ZNF787: variants seen among roughly 807,000 people sequenced by gnomAD.
The protein encoded by ZNF787 is TTF-I-interacting peptide 20.
ZNF787 carries 7 observed loss-of-function variants against 16.9 expected under a neutral mutation model. That is an observed-to-expected ratio of 0.42 (90% CI 0.24 to 0.78). The LOEUF is 0.78. Ranked by LOEUF, ZNF787 falls within the 30% of genes least tolerant of loss-of-function variation. The pLI, the probability that ZNF787 is intolerant of heterozygous loss-of-function variation, is 0.30. For synonymous variants in ZNF787, 345 were observed against 270.9 expected (o/e 1.27, Z -2.69); for missense variants, 551 against 589.3 (o/e 0.94, Z 0.67).
intron 1 of ZNF787, chr19:56,105,267 G>C (rs1986258597): frequency 6.6e-6 from 1 of 152,146 alleles, no homozygotes; most frequent in Admixed American, 6.5e-5. Context: ...GAAGGGCAGG[G>C]CCGCCAGGTG....
Position 56,089,040 on chromosome 19 carries a change from C to G in ZNF787, c.132G>C (p.Lys44Asn), listed in dbSNP as rs1985468896. The G allele has an allele frequency of 2.0e-6, 3 of 1,466,804 alleles. No homozygotes were observed. Among genetic ancestry groups the G allele is most frequent in the Non-Finnish European group, 2.7e-6 (3 of 1,111,892 alleles). The allele number at this position is 1,466,804 out of a possible 1,614,324, so 90.9% of individuals were successfully genotyped here. A position where few individuals can be genotyped will look rare whatever the true frequency, so the allele number is the denominator to read the frequency against. Residue 44 changes from lysine (K) to asparagine (N), a missense_variant, in exon 3 of 3, where the codon AAG (lysine) becomes AAC (asparagine). Transcript: ENST00000610935. ...GGGGCGCAGACTGGGGCGGGGACAGCTTGGTGGGAGGCCAGCTGGGGACGT... is the reference window on the plus strand; with the variant it reads ...GGGGCGCAGACTGGGGCGGGGACAGGTTGGTGGGAGGCCAGCTGGGGACGT... ...DDDVPSWPPT[K>N]LSPPQSAPPA...
intron 1 of ZNF787, among the ~76,000 whole-genome samples, chr19:56,105,676 GCCAGGGCT>G (rs924251789): frequency 1.3e-5 from 2 of 152,032 alleles, no homozygotes; most frequent in Admixed American, 1.3e-4. Flanking sequence ...CCACTGCCGG[GCCAGGGCT>G]CCAGGGCTCA....
intron 2 of ZNF787, among the ~76,000 whole-genome samples, chr19:56,098,111 G>A (rs909066793): frequency 4.6e-5 from 7 of 152,026 alleles, no homozygotes; most frequent in Non-Finnish European, 8.8e-5. Context: ...ACAGCTCCAT[G>A]GAAGGAACAT....
rs75710145 is a variant in ZNF787 at position 56,102,542 on chromosome 19, C to G, written c.79+597G>C. On this transcript the variant is annotated intron_variant, in intron 2 of 2. Transcript: ENST00000610935. ...TAGCCCACAAATGAGTTTTGCTCAA[C>G]CCCAATAATGCTTTATTAAACAAAC... 3.7e-4 allele frequency: 114 copies of G among 305,736 alleles called. 1 individual carries two copies. The highest frequency in any genetic ancestry group is 2.3e-3 in the African/African-American group (109 of 46,520). 18.9% of individuals were successfully genotyped at this position (305,736 alleles called of 1,614,324 possible).
intron 1 of ZNF787, among the ~76,000 whole-genome samples, chr19:56,109,570 A>G (rs2029919819): frequency 6.6e-6 from 1 of 152,138 alleles, no homozygotes; most frequent in African/African-American, 2.4e-5. Flanking sequence ...GGAGGCCTTC[A>G]CTTTCTGAAG....
At chr19:56,111,035 CAT>C (rs1320080015) in intron 1 of ZNF787, among the ~76,000 whole-genome samples, 1 of 152,260 alleles carries the variant, frequency 6.6e-6, no homozygotes, top group Admixed American at 6.5e-5. Flanking sequence ...ATACCTTTTA[CAT>C]GTTTTCAATA....
Position 56,088,071 on chromosome 19 carries a change from C to CTCGTCGTCGTCG in ZNF787, c.1089_1100dup (p.Asp363_Asp366dup), listed in dbSNP as rs5828672. ...ACTCGGGGCACCGCCCGCCCGCGGC[C>CTCGTCGTCGTCG]TCGTCGTCGTCGTCCTCCTCCTCCC... is the stretch of plus-strand genomic sequence containing the variant. On this transcript the variant is annotated inframe_insertion, in exon 3 of 3. Transcript: ENST00000610935. This position sits in a 1 kb window ranked among gnomAD's most constrained non-coding sequence, Gnocchi z 8.6. 1 of 1,470,312 alleles carries CTCGTCGTCGTCG rather than the reference C, an allele frequency of 6.8e-7. No individual in the cohort carries two copies. The highest frequency in any genetic ancestry group is 2.5e-5 in the Admixed American group (1 of 40,642). 91.1% of individuals were successfully genotyped at this position (1,470,312 alleles called of 1,614,324 possible).
At chr19:56,114,938 C>T (rs933406622) in intron 1 of ZNF787, among the ~76,000 whole-genome samples, 1 of 152,230 alleles carries the variant, frequency 6.6e-6, no homozygotes, top group African/African-American at 2.4e-5. Flanking sequence ...AGCTCTTTCA[C>T]TGCCCTTTTC....
chr19:56,111,820 T>G (rs1247487482), intron 1 of ZNF787, among the ~76,000 whole-genome samples: 1 of 152,146 alleles, frequency 6.6e-6, no homozygotes, highest in Non-Finnish European at 1.5e-5. Context: ...GTACCAGTCC[T>G]TGGCGTCATC....
intron 2 of ZNF787, 66 bp downstream of exon 2, chr19:56,103,073 A>T: frequency 1.9e-6 from 3 of 1,558,046 alleles, no homozygotes; most frequent in Non-Finnish European, 2.7e-6. Context: ...TCCCACCCAG[A>T]GGCAAAGGAA....
chr19:56,090,415 G>A (rs766945421), intron 2 of ZNF787, among the ~76,000 whole-genome samples: 55 of 151,972 alleles, frequency 3.6e-4, no homozygotes, highest in Non-Finnish European at 6.3e-4. Flanking sequence ...AACTGCGGCC[G>A]CCCACCGCTA....
At chr19:56,110,084 G>A (rs548253360) in intron 1 of ZNF787, among the ~76,000 whole-genome samples, 34 of 152,248 alleles carry the variant, frequency 2.2e-4, no homozygotes, top group South Asian at 8.3e-4. Flanking sequence ...AATGTTGGCC[G>A]GGCACGGTGG....
At chr19:56,090,758 G>GTTGC (rs1985543508) in intron 2 of ZNF787, among the ~76,000 whole-genome samples, 1 of 152,200 alleles carries the variant, frequency 6.6e-6, no homozygotes, top group Non-Finnish European at 1.5e-5. Flanking sequence ...GGAGGCAGAG[G>GTTGC]TTGCAGTGAG....
At chr19:56,096,485 C>T (rs368324525) in intron 2 of ZNF787, among the ~76,000 whole-genome samples, 465 of 151,702 alleles carry the variant, frequency 3.1e-3, no homozygotes, top group Non-Finnish European at 5.7e-3. Context: ...GAGGCCGAGG[C>T]GGGTGGATCA....
At chr19:56,105,596 A>G (rs1002750897) in intron 1 of ZNF787, 1 of 151,512 alleles carries the variant, frequency 6.6e-6, no homozygotes, top group Admixed American at 6.6e-5. Context: ...CAGGGGCTGT[A>G]ACCACCCAGC....
chr19:56,109,839 A>G (rs924441607), intron 1 of ZNF787, among the ~76,000 whole-genome samples: 8 of 152,174 alleles, frequency 5.3e-5, no homozygotes, highest in South Asian at 2.1e-4. Context: ...AGCCGAGATC[A>G]CGCCACTGCA....
intron 1 of ZNF787, among the ~76,000 whole-genome samples, chr19:56,120,755 A>C (rs921825021): frequency 8.9e-6 from 1 of 112,152 alleles, no homozygotes; most frequent in South Asian, 3.0e-4. Flanking sequence ...AGTCGCCACC[A>C]CTTCCGGCCA....
At chr19:56,090,587 C>G (rs1387463408) in intron 2 of ZNF787, among the ~76,000 whole-genome samples, 1 of 152,052 alleles carries the variant, frequency 6.6e-6, no homozygotes. Flanking sequence ...TTTAGGAGGC[C>G]GAGGTGGGCA....
chr19:56,091,418 G>GGC (rs1188393499), intron 2 of ZNF787, among the ~76,000 whole-genome samples: 1 of 152,246 alleles, frequency 6.6e-6, no homozygotes, highest in Non-Finnish European at 1.5e-5. Context: ...GGGGCACTGG[G>GGC]GCGGGTGTGC....
Sources: allele counts gnomAD v4.1 joint callset (sites outside exome capture counted in the v4.1 genomes callset), GRCh38; gene constraint gnomAD v4.1.1; non-coding constraint Gnocchi (gnomAD v3.1); transcripts MANE v1.5; gene names NCBI Gene and HGNC (gene_info 2026-07-23, HGNC 2026-07-21).